Variants in SYF2 observed in about 807,000 individuals in gnomAD.
The protein encoded by SYF2 is SYF2 pre-mRNA splicing factor, also known as pre-mRNA-splicing factor SYF2.
In SYF2, 21 loss-of-function variants were observed where a neutral mutation model predicts 32.7. The observed-to-expected ratio is 0.64, with a 90% CI of 0.45 to 0.92. The LOEUF (loss-of-function observed/expected upper bound fraction) is 0.92. Ranked by LOEUF, SYF2 falls within the 40% of genes least tolerant of loss-of-function variation. The pLI is 0.00. For missense variants in SYF2, 278 were observed against 296.5 expected (o/e 0.94, Z 0.46); for synonymous variants, 114 against 103.9 (o/e 1.10, Z -0.59).
chr1:25,223,074 C>T lies in SYF2; in HGVS notation c.*192G>A. The T allele has an allele frequency of 2.1e-6, 1 of 468,234 alleles. No homozygotes were observed. The highest frequency in any genetic ancestry group is 4.9e-5 in the South Asian group (1 of 20,280). 29.0% of individuals were successfully genotyped at this position (468,234 alleles called of 1,614,324 possible). The stretch of plus-strand genomic sequence containing the variant: ...CACTACAAGAAATACATCTTATATC[C>T]AAGCACAAAAATGTGGAAATATACA... On this transcript the variant is annotated 3_prime_UTR_variant, in exon 7 of 7. Transcript: ENST00000236273.
chr1:25,225,931 A>C lies in SYF2; in HGVS notation c.468-831T>G, dbSNP rs151063139. Among the ~76,000 whole-genome samples, 63 of 149,290 alleles carry C rather than the reference A, an allele frequency of 4.2e-4. 1 individual carries two copies. In the East Asian group the frequency reaches 0.012, roughly 29 times the overall value. On this transcript the variant is annotated intron_variant, in intron 5 of 6. Coordinates refer to ENST00000236273, the MANE Select transcript of SYF2 (RefSeq NM_015484.5). ...AGCACTTTGGGAGGCCAAGGTGGGCACATCACCTGAGGTCAGGAGTTCAAG... is the reference window on the plus strand; with the variant it reads ...AGCACTTTGGGAGGCCAAGGTGGGCCCATCACCTGAGGTCAGGAGTTCAAG...
intron 5 of SYF2, among the ~76,000 whole-genome samples, chr1:25,226,361 A>G (rs1315237043): frequency 6.6e-6 from 1 of 152,182 alleles, no homozygotes; most frequent in Non-Finnish European, 1.5e-5. Flanking sequence ...ACAAGCTGCC[A>G]AACTACAGCA....
intron 4 of SYF2, among the ~76,000 whole-genome samples, 176 bp downstream of exon 4, chr1:25,227,942 G>A (rs1048494669): frequency 3.3e-5 from 5 of 152,146 alleles, no homozygotes; most frequent in Non-Finnish European, 7.4e-5. Flanking sequence ...GCTAACTGAA[G>A]TACAGCCTTT....
rs756242619 is a variant in SYF2, at chr1:25,232,473, CCTTT to C, written c.-10_-7del. On this transcript the variant is annotated 5_prime_UTR_variant, in exon 1 of 7. Coordinates refer to ENST00000236273, the MANE Select transcript of SYF2 (RefSeq NM_015484.5). ...GATGCAGCTATAGCCGCCATCACAA[CCTTT>C]CTCTCTTCCCACTTCCGGCAACAAG... 8.3e-5 allele frequency: 134 copies of C among 1,614,226 alleles called. 3 individuals are homozygous for C. In the South Asian group the frequency reaches 1.4e-3, roughly 17 times the overall value.
Position 25,228,212 on chromosome 1 carries a change from G to A in SYF2, c.282C>T (p.Asp94=). The change falls in exon 4 of 7, where the codon GAC becomes GAT. Residue 94 remains aspartate, a synonymous_variant. Coordinates refer to ENST00000236273, the MANE Select transcript of SYF2 (RefSeq NM_015484.5). The stretch of plus-strand genomic sequence containing the variant: ...TCTCCAGCAACTTCACTTTCTCATA[G>A]TCTTCTCCTCTTGCCGCACATTCCT... ...KKKECAARGE[D]YEKVKLLEIS... The A allele has an allele frequency of 6.2e-7, 1 of 1,613,000 alleles. No individual in the cohort carries two copies. Among genetic ancestry groups the A allele is most frequent in the Non-Finnish European group, 8.5e-7 (1 of 1,179,906 alleles).
At chr1:25,228,937 A>AGT in intron 3 of SYF2, 61 bp downstream of exon 3, 2 of 1,569,842 alleles carry the variant, frequency 1.3e-6, no homozygotes, top group Non-Finnish European at 1.7e-6. Flanking sequence ...ACCATGTTGT[A>AGT]GTGTCTTGAT....
At position 25,225,086 on chromosome 1, in the gene SYF2, A is replaced by G. The variant is rs1279042701; in HGVS notation, c.482T>C (p.Phe161Ser). The G allele has an allele frequency of 3.1e-6, 5 of 1,613,840 alleles. No individual in the cohort carries two copies. Among genetic ancestry groups the G allele is most frequent in the Non-Finnish European group, 8.5e-7 (1 of 1,179,742 alleles). Residue 161 changes from phenylalanine to serine, a missense_variant, in exon 6 of 7, where the codon TTC (phenylalanine) becomes TCC (serine). By Grantham distance (155) the Phe-to-Ser change is radical. Transcript: ENST00000236273. ...ATGAAGAAGACTATTGGATGTTGGG[A>G]AAAACTCTTCTCCACTGAAAAGGCA... Reference protein sequence around the residue: ...RLREKHGEEFFPTSNSLLHGT... With the variant: ...RLREKHGEEFSPTSNSLLHGT...
chr1:25,229,161 T>G (rs117756431), intron 2 of SYF2, 38 bp from the exon 3 acceptor site: 1 of 1,601,280 alleles, frequency 6.2e-7, no homozygotes, highest in African/African-American at 1.4e-5. Context: ...AGCTAAAACA[T>G]GAAAATAAAT....
intron 2 of SYF2, chr1:25,231,136 A>G (rs1295779883): frequency 6.6e-6 from 1 of 152,244 alleles, no homozygotes; most frequent in African/African-American, 2.4e-5. Context: ...TAGGAGGCAG[A>G]AGTAACGGAG....
intron 2 of SYF2, among the ~76,000 whole-genome samples, chr1:25,229,873 G>A (rs1638593341): frequency 1.3e-5 from 2 of 151,218 alleles, no homozygotes; most frequent in African/African-American, 4.9e-5. Flanking sequence ...CTGGAGTACA[G>A]TGGAGCCATC....
chr1:25,225,133 A>T, intron 5 of SYF2, 33 bp from the exon 6 acceptor site: 1 of 1,375,756 alleles, frequency 7.3e-7, no homozygotes, highest in Non-Finnish European at 1.0e-6. Flanking sequence ...TTACAGTAAC[A>T]CTATAAATGC....
At chr1:25,228,945 G>T (rs1638571421) in intron 3 of SYF2, 53 bp downstream of exon 3, 4 of 1,583,442 alleles carry the variant, frequency 2.5e-6, no homozygotes, top group Non-Finnish European at 3.4e-6. Flanking sequence ...GTAGTGTCTT[G>T]ATACAACAGA....
Position 25,222,774 on chromosome 1 carries a change from G to C in SYF2, c.*492C>G, listed in dbSNP as rs1208266198. ...ATAGCTCCACTCCTCCCCGACCTTGGTCACAGGCCGCCATGAGGAGGGACT... is the reference window on the plus strand; with the variant it reads ...ATAGCTCCACTCCTCCCCGACCTTGCTCACAGGCCGCCATGAGGAGGGACT... On this transcript the variant is annotated 3_prime_UTR_variant, in exon 7 of 7. Coordinates refer to ENST00000236273, the MANE Select transcript of SYF2 (RefSeq NM_015484.5). 6.5e-6 allele frequency: 1 copy of C among 153,106 alleles called. No homozygotes were observed. The highest frequency in any genetic ancestry group is 1.5e-5 in the Non-Finnish European group (1 of 68,566). 9.5% of individuals were successfully genotyped at this position (153,106 alleles called of 1,614,324 possible).
intron 2 of SYF2, 175 bp downstream of exon 2, chr1:25,231,929 T>C: frequency 1.4e-6 from 1 of 708,744 alleles, no homozygotes; most frequent in African/African-American, 1.7e-5. Context: ...TCAAATGTTC[T>C]CAGAATGATC....
chr1:25,229,575 G>T (rs1018416212), intron 2 of SYF2, among the ~76,000 whole-genome samples: 2 of 152,132 alleles, frequency 1.3e-5, no homozygotes, highest in Non-Finnish European at 2.9e-5. Context: ...AGAAGTTCAA[G>T]ACCAGGCTGG....
rs991115612 is a variant in SYF2, at chr1:25,228,970, C to T, written c.258+28G>A. The T allele has an allele frequency of 1.9e-6, 3 of 1,602,810 alleles. No homozygotes were observed. In the African/African-American group the frequency reaches 4.0e-5, roughly 22 times the overall value. ...GATACAACAGAATGATTGACTAAAT[C>T]ACTTATGAAGATAGAATAGTTCCTA... On this transcript the variant is annotated intron_variant, in intron 3 of 6. Transcript: ENST00000236273.
intron 6 of SYF2, among the ~76,000 whole-genome samples, chr1:25,224,283 T>C (rs1448884249): frequency 6.6e-6 from 1 of 151,740 alleles, no homozygotes; most frequent in Non-Finnish European, 1.5e-5. Flanking sequence ...TGAGACAGGG[T>C]CTCGCTCTGT....
chr1:25,227,414 C>T, intron 5 of SYF2, 28 bp downstream of exon 5: 1 of 1,575,096 alleles, frequency 6.3e-7, no homozygotes, highest in Non-Finnish European at 8.7e-7. Context: ...AATACATCCA[C>T]ATCACCTCAG....
chr1:25,225,536 A>C (rs986173566), intron 5 of SYF2, among the ~76,000 whole-genome samples: 1 of 151,310 alleles, frequency 6.6e-6, no homozygotes, highest in African/African-American at 2.4e-5. Context: ...TCAAAAAAAA[A>C]AATTTTTTTT....
Sources: gnomAD v4.1 joint callset for allele counts (sites outside exome capture counted in the v4.1 genomes callset) on GRCh38, gnomAD v4.1.1 for gene constraint, MANE v1.5 for transcripts, NCBI Gene and HGNC (gene_info 2026-07-23, HGNC 2026-07-21) for gene names.